The following ADH4 variants were observed in gnomAD, a reference collection of about 807,000 sequenced individuals.
ADH4 encodes the protein all-trans-retinol dehydrogenase [NAD(+)] ADH4.
A neutral mutation model predicts 35.2 loss-of-function variants in ADH4; 31 were observed. The observed-to-expected ratio is 0.88, with a 90% CI of 0.66 to 1.19. ADH4 has a LOEUF of 1.19. ADH4 is among the 50% of genes most tolerant of loss of function. The pLI is 0.00. For synonymous variants in ADH4, 171 were observed against 160.2 expected (o/e 1.07, Z -0.51); for missense variants, 476 against 458.3 (o/e 1.04, Z -0.35).
chr4:99,131,644 A>ATT lies in ADH4; in HGVS notation c.702_703insAA (p.Phe235AsnfsTer3). 1 of 1,614,036 alleles carries ATT rather than the reference A, an allele frequency of 6.2e-7. No homozygotes were observed. Among genetic ancestry groups the ATT allele is most frequent in the African/African-American group, 1.3e-5 (1 of 74,996 alleles). ...GCTCCCAGGGCTTTAGCCTTCACAA[A>ATT]CTTCTCACTGTTGATGTCAATACCT... On this transcript the variant is annotated frameshift_variant, in exon 6 of 9. Coordinates refer to ENST00000265512, the MANE Select transcript of ADH4 (RefSeq NM_000670.5). LOFTEE classifies it high-confidence loss of function.
At chr4:99,131,381 T>C in intron 6 of ADH4, 123 bp downstream of exon 6, 1 of 1,119,238 alleles carries the variant, frequency 8.9e-7, no homozygotes, top group Non-Finnish European at 1.3e-6. Context: ...TGGCTTATAG[T>C]TCTACCACCC....
At chr4:99,133,952 G>A (rs1318375367) in intron 5 of ADH4, 1 of 152,134 alleles carries the variant, frequency 6.6e-6, no homozygotes, top group Non-Finnish European at 1.5e-5. Flanking sequence ...AATATGATAT[G>A]TATATACACA....
At chr4:99,133,498 T>C (rs989841171) in intron 5 of ADH4, 1 of 152,232 alleles carries the variant, frequency 6.6e-6, no homozygotes, top group African/African-American at 2.4e-5. Flanking sequence ...TTACTAAAGC[T>C]CTTGCCTTTT....
chr4:99,141,534 A>G lies in ADH4; in HGVS notation c.262+7T>C, dbSNP rs1315462201. On this transcript the variant is annotated splice_region_variant and intron_variant, in intron 3 of 8. Coordinates refer to ENST00000265512, the MANE Select transcript of ADH4 (RefSeq NM_000670.5). ...CATTTCCATTTTTTCTGAATAAAATAAAATACCTGGTTTGACGTTGGTCAC... is the reference window on the plus strand; with the variant it reads ...CATTTCCATTTTTTCTGAATAAAATGAAATACCTGGTTTGACGTTGGTCAC... The G allele has an allele frequency of 2.5e-6, 4 of 1,602,976 alleles. No individual in the cohort carries two copies. The African/African-American group carries it at 5.4e-5, about 22-fold the overall frequency.
chr4:99,140,821 C>T (rs1274419864), intron 3 of ADH4, among the ~76,000 whole-genome samples: 1 of 149,618 alleles, frequency 6.7e-6, no homozygotes, highest in Non-Finnish European at 1.5e-5. Context: ...GAGCTGAGAT[C>T]GTGCCACTAC....
In ADH4 at chr4:99,131,835, A is replaced by T. The variant is rs187343225; in HGVS notation, c.583-71T>A. The stretch of plus-strand genomic sequence containing the variant: ...CACTTTTTTTCTTTTAAGAGTCAGG[A>T]GGAAGTGGGGGCATGAACATATGAA... On this transcript the variant is annotated intron_variant, in intron 5 of 8. Coordinates refer to ENST00000265512, the MANE Select transcript of ADH4 (RefSeq NM_000670.5). 459 of 1,509,712 alleles carry T rather than the reference A, an allele frequency of 3.0e-4. 1 individual carries two copies. Among genetic ancestry groups the T allele is most frequent in the South Asian group, 2.9e-3 (226 of 78,184 alleles). The allele number at this position is 1,509,712 out of a possible 1,614,324, so 93.5% of individuals were successfully genotyped here.
chr4:99,134,823 G>T (rs1365337358), intron 5 of ADH4, among the ~76,000 whole-genome samples: 1 of 150,698 alleles, frequency 6.6e-6, no homozygotes, highest in African/African-American at 2.4e-5. Context: ...GTCATACTTT[G>T]GTATCTTGGC....
At chr4:99,131,900 T>C in intron 5 of ADH4, 136 bp from the exon 6 acceptor site, 2 of 912,236 alleles carry the variant, frequency 2.2e-6, no homozygotes, top group Non-Finnish European at 3.2e-6. Flanking sequence ...ATATAGCCAA[T>C]GGAGGAAATC....
chr4:99,136,782 A>C, intron 4 of ADH4, 85 bp from the exon 5 acceptor site: 2 of 848,498 alleles, frequency 2.4e-6, no homozygotes, highest in Non-Finnish European at 3.6e-6. Flanking sequence ...AAATATGTTG[A>C]GCATTATATA....
chr4:99,141,599 G>A lies in ADH4; in HGVS notation c.204C>T (p.Gly68=), dbSNP rs769492124. The change falls in exon 3 of 9, where the codon GGC becomes GGT. Residue 68 remains glycine (G), a synonymous_variant. Coordinates refer to ENST00000265512, the MANE Select transcript of ADH4 (RefSeq NM_000670.5). ...TTTCCACAATACCTGCAGCCTCATG[G>A]CCAACGATCACTGGGAAAGCTAGGC... is the stretch of plus-strand genomic sequence containing the variant. ...FEGLAFPVIV[G]HEAAGIVESI... The A allele has an allele frequency of 2.5e-6, 4 of 1,614,064 alleles. No homozygotes were observed. The highest frequency in any genetic ancestry group is 1.1e-5 in the South Asian group (1 of 91,072).
chr4:99,141,830 A>G (rs959503113), intron 2 of ADH4, 148 bp from the exon 3 acceptor site: 8 of 696,612 alleles, frequency 1.1e-5, no homozygotes, highest in Middle Eastern at 3.9e-4. Context: ...AAAAGAACCA[A>G]TAAAAATATA....
At chr4:99,130,935 TTAA>T (rs1336034452) in intron 6 of ADH4, among the ~76,000 whole-genome samples, 1 of 152,126 alleles carries the variant, frequency 6.6e-6, no homozygotes, top group Admixed American at 6.6e-5. Flanking sequence ...AATGTTAATA[TTAA>T]TAATGTATAT....
In ADH4 at chr4:99,139,129, A is replaced by T; in HGVS notation, c.282T>A (p.Leu94=). 1 of 1,613,180 alleles carries T rather than the reference A, an allele frequency of 6.2e-7. No homozygotes were observed. The highest frequency in any genetic ancestry group is 8.5e-7 in the Non-Finnish European group (1 of 1,179,514). ...TGCATTTTCTACATAGAGGTGCATAAAGTGGAATTACTTTGTCACCTAGAA... is the reference window on the plus strand; with the variant it reads ...TGCATTTTCTACATAGAGGTGCATATAGTGGAATTACTTTGTCACCTAGAA... ...NVKPGDKVIP[L]YAPLCRKCKF... Residue 94 remains leucine, a synonymous_variant, in exon 4 of 9, where the codon CTT becomes CTA. Transcript: ENST00000265512.
chr4:99,127,137 A>G, intron 7 of ADH4, 72 bp downstream of exon 7: 1 of 1,287,980 alleles, frequency 7.8e-7, no homozygotes, highest in Non-Finnish European at 1.1e-6. Context: ...TTTCTTTTCA[A>G]TAACCTTCAC....
In ADH4 at chr4:99,131,490, C is replaced by T; in HGVS notation, c.843+14G>A. On this transcript the variant is annotated intron_variant, in intron 6 of 8. Transcript: ENST00000265512. The stretch of plus-strand genomic sequence containing the variant: ...ATACATTGAAAATATGATCCAAGAA[C>T]AAAATATACATACCATGGTTTCAGA... 3 of 1,606,868 alleles carry T rather than the reference C, an allele frequency of 1.9e-6. No individual in the cohort carries two copies. The highest frequency in any genetic ancestry group is 2.5e-6 in the Non-Finnish European group (3 of 1,177,162).
At chr4:99,136,760 C>A (rs1729448472) in intron 4 of ADH4, 63 bp from the exon 5 acceptor site, 3 of 1,011,002 alleles carry the variant, frequency 3.0e-6, no homozygotes, top group Non-Finnish European at 4.4e-6. Flanking sequence ...GAACACTGAT[C>A]ATTTTCCTAC....
At chr4:99,141,029 C>A (rs914073959) in intron 3 of ADH4, among the ~76,000 whole-genome samples, 3 of 152,176 alleles carry the variant, frequency 2.0e-5, no homozygotes, top group Non-Finnish European at 2.9e-5. Flanking sequence ...TTCTGAGCCT[C>A]TCCTCCCTCC....
chr4:99,141,467 C>T (rs1337621723), intron 3 of ADH4, 74 bp downstream of exon 3: 2 of 1,423,014 alleles, frequency 1.4e-6, no homozygotes, highest in Non-Finnish European at 1.9e-6. Flanking sequence ...TATAGCATGC[C>T]AAGCCAGGAC....
At chr4:99,139,455 T>G (rs554949298) in intron 3 of ADH4, among the ~76,000 whole-genome samples, 1 of 152,328 alleles carries the variant, frequency 6.6e-6, no homozygotes, top group African/African-American at 2.4e-5. Flanking sequence ...GTTTATTACA[T>G]TTCCAAACAC....
Sources: allele counts gnomAD v4.1 joint callset (sites outside exome capture counted in the v4.1 genomes callset), GRCh38; gene constraint gnomAD v4.1.1; transcripts MANE v1.5; gene names NCBI Gene and HGNC (gene_info 2026-07-23, HGNC 2026-07-21).